Variants in HSPG2 observed in about 807,000 individuals in gnomAD.
The protein encoded by HSPG2 is heparan sulfate proteoglycan 2, also known as basement membrane-specific heparan sulfate proteoglycan core protein.
In HSPG2, 278 loss-of-function variants were observed where a neutral mutation model predicts 526.6. The ratio of observed to expected loss-of-function variants is 0.53; its 90% confidence interval spans 0.48 to 0.58. HSPG2 has a LOEUF of 0.58. Among genes scored for constraint, HSPG2 ranks in the 20% least tolerant of loss-of-function variants. The pLI is 0.00. For missense variants in HSPG2, 5,354 were observed against 6,099.5 expected (o/e 0.88, Z 4.07); for synonymous variants, 2,465 against 2,555.4 (o/e 0.96, Z 1.07).
intron 75 of HSPG2, among the ~76,000 whole-genome samples, chr1:21,836,297 G>T (rs565103942): frequency 6.6e-6 from 1 of 152,288 alleles, no homozygotes; most frequent in African/African-American, 2.4e-5. Flanking sequence ...CAAGCACTGT[G>T]CAAGTGCTTC....
chr1:21,935,702 G>C (rs1008683376), intron 1 of HSPG2, among the ~76,000 whole-genome samples: 1 of 152,228 alleles, frequency 6.6e-6, no homozygotes, highest in Admixed American at 6.5e-5. Flanking sequence ...GGCAGAGCTG[G>C]GGGAAGGTCA....
intron 3 of HSPG2, among the ~76,000 whole-genome samples, chr1:21,894,117 A>T (rs7520609): frequency 0.04 from 6,016 of 152,160 alleles, 144 homozygotes; most frequent in African/African-American, 0.07. Context: ...GACAGGTCAG[A>T]ACATGGAAAG....
chr1:21,893,329 C>G lies in HSPG2; in HGVS notation c.244+2593G>C, dbSNP rs1642502327. ...AACACCCCATGGGGAAGAACGCCCGCCAGGGTTCCAGCCCACTGTGTTTAG... is the reference window on the plus strand; with the variant it reads ...AACACCCCATGGGGAAGAACGCCCGGCAGGGTTCCAGCCCACTGTGTTTAG... On this transcript the variant is annotated intron_variant, in intron 3 of 96. Coordinates refer to ENST00000374695, the MANE Select transcript of HSPG2 (RefSeq NM_005529.7). This position sits in a 1 kb window ranked among gnomAD's most constrained non-coding sequence, Gnocchi z 4.3. Among the ~76,000 whole-genome samples the G allele has an allele frequency of 6.6e-6, 1 of 152,166 alleles. No homozygotes were observed. The highest frequency in any genetic ancestry group is 2.1e-4 in the South Asian group (1 of 4,834).
Position 21,890,744 on chromosome 1 carries a change from T to C in HSPG2, c.245-50A>G, listed in dbSNP as rs753517710. 4.3e-6 allele frequency: 6 copies of C among 1,407,450 alleles called. No individual in the cohort carries two copies. The highest frequency in any genetic ancestry group is 6.0e-6 in the Non-Finnish European group (6 of 998,968). The allele number at this position is 1,407,450 out of a possible 1,614,324, so 87.2% of individuals were successfully genotyped here. A position where few individuals can be genotyped will look rare whatever the true frequency, so the allele number is the denominator to read the frequency against. On this transcript the variant is annotated intron_variant, in intron 3 of 96. Transcript: ENST00000374695. This position sits in a 1 kb window ranked among gnomAD's most constrained non-coding sequence, Gnocchi z 4.1. ...TTGAGAGCCCCAGCCTGGCATCTAG[T>C]GGCCTTAGGCAGTTGGACCATTCAG...
At position 21,855,846 on chromosome 1, in the gene HSPG2, T is replaced by G; in HGVS notation, c.5642A>C (p.Gln1881Pro). The G allele has an allele frequency of 6.2e-7, 1 of 1,613,138 alleles. No individual in the cohort carries two copies. Among genetic ancestry groups the G allele is most frequent in the Non-Finnish European group, 8.5e-7 (1 of 1,180,000 alleles). Reference sequence around the variant, plus strand: ...GGCGCTGCAGCGGAACTCCGCCAGTTGCCCGGGCTGCACTGTGAGCTGTGG... The same window carrying G: ...GGCGCTGCAGCGGAACTCCGCCAGTGGCCCGGGCTGCACTGTGAGCTGTGG... ...HPPQLTVQPG[Q>P]LAEFRCSATG... The change falls in exon 45 of 97, where the codon CAA becomes CCA. Residue 1881 changes from glutamine to proline, a missense_variant. Transcript: ENST00000374695.
chr1:21,902,736 G>A (rs1238836030), intron 1 of HSPG2, among the ~76,000 whole-genome samples: 1 of 152,210 alleles, frequency 6.6e-6, no homozygotes, highest in Non-Finnish European at 1.5e-5. Flanking sequence ...TCTCGGGAGC[G>A]CTGGGGCAGG....
intron 1 of HSPG2, among the ~76,000 whole-genome samples, chr1:21,905,181 A>C (rs1466510125): frequency 6.6e-6 from 1 of 150,482 alleles, no homozygotes; most frequent in African/African-American, 2.4e-5. Context: ...CCACACACAC[A>C]CACACACACA....
Position 21,835,596 on chromosome 1 carries a change from C to CAT in HSPG2, c.10395_10396dup (p.Cys3466TyrfsTer56). On this transcript the variant is annotated frameshift_variant, in exon 76 of 97. Coordinates refer to ENST00000374695, the MANE Select transcript of HSPG2 (RefSeq NM_005529.7). LOFTEE classifies it high-confidence loss of function. Reference sequence around the variant, plus strand: ...CTTCCCCCAAGGTCCATGGGCCTGGCATATATACGTCCCTTGGCAGCTCTG... The same window carrying CAT: ...CTTCCCCCAAGGTCCATGGGCCTGGCATATATATACGTCCCTTGGCAGCTCTG... 1 of 1,614,142 alleles carries CAT rather than the reference C, an allele frequency of 6.2e-7. No homozygotes were observed. Among genetic ancestry groups the CAT allele is most frequent in the Non-Finnish European group, 8.5e-7 (1 of 1,179,994 alleles).
chr1:21,911,874 G>A (rs1009941862), intron 1 of HSPG2, among the ~76,000 whole-genome samples: 1 of 152,062 alleles, frequency 6.6e-6, no homozygotes, highest in East Asian at 1.9e-4. Context: ...TCCAGCCCAC[G>A]CAGCTCTCTC....
chr1:21,897,302 A>C (rs2152774539), intron 1 of HSPG2, among the ~76,000 whole-genome samples: 1 of 152,346 alleles, frequency 6.6e-6, no homozygotes, highest in Admixed American at 6.5e-5. Flanking sequence ...GCCTGGCATG[A>C]GGGCCTCAGG....
At chr1:21,860,959 G>A (rs75200282) in intron 39 of HSPG2, among the ~76,000 whole-genome samples, 3,601 of 152,352 alleles carry the variant, frequency 0.024, 61 homozygotes, top group Non-Finnish European at 0.034. Context: ...TGCGGGTGCA[G>A]AGGAGGGCAC....
intron 20 of HSPG2, 32 bp from the exon 21 acceptor site, chr1:21,878,285 G>C (rs374318622): frequency 6.2e-7 from 1 of 1,610,932 alleles, no homozygotes; most frequent in African/African-American, 1.3e-5. Flanking sequence ...GGCAGGGCAG[G>C]TGGGAATGGG....
At chr1:21,855,157 G>T in intron 47 of HSPG2, 147 bp downstream of exon 47, 1 of 1,331,294 alleles carries the variant, frequency 7.5e-7, no homozygotes. Flanking sequence ...CTCCCTGCTG[G>T]GATGCAGGGG....
At position 21,861,836 on chromosome 1, in the gene HSPG2, G is replaced by A. The variant is rs760559488; in HGVS notation, c.4876C>T (p.Arg1626Cys). ...PLTNPENMFS[R>C]TCESLGAGGY... ...CCGGCTCCCAGGCTCTCACAGGTGC[G>A]GGAAAACCTGGGATCGGGGAGGCAA... Residue 1626 changes from arginine (R) to cysteine (C), a missense_variant, in exon 39 of 97, where the codon CGC becomes TGC. Arg to Cys is a radical substitution (Grantham distance 180, BLOSUM62 -3). Coordinates refer to ENST00000374695, the MANE Select transcript of HSPG2 (RefSeq NM_005529.7). 4.4e-5 allele frequency: 71 copies of A among 1,613,430 alleles called. No individual in the cohort carries two copies. The highest frequency in any genetic ancestry group is 5.6e-5 in the Non-Finnish European group (66 of 1,180,006).
In HSPG2 at chr1:21,921,554, G is replaced by T. The variant is rs35542927; in HGVS notation, c.63+15601C>A. 6.7e-3 allele frequency among the ~76,000 whole-genome samples: 1,022 copies of T among 152,302 alleles called. 13 individuals are homozygous for T. Among genetic ancestry groups the T allele is most frequent in the South Asian group, 0.02 (96 of 4,830 alleles). The stretch of plus-strand genomic sequence containing the variant: ...GAGCAGGCTGCCACATTAAAGCAGG[G>T]AACACCGGACTACTGACATACCTCG... On this transcript the variant is annotated intron_variant, in intron 1 of 96. Coordinates refer to ENST00000374695, the MANE Select transcript of HSPG2 (RefSeq NM_005529.7).
chr1:21,861,834 G>T lies in HSPG2; in HGVS notation c.4878C>A (p.Arg1626=). 1 of 1,613,630 alleles carries T rather than the reference G, an allele frequency of 6.2e-7. No individual in the cohort carries two copies. Among genetic ancestry groups the T allele is most frequent in the African/African-American group, 1.3e-5 (1 of 75,064 alleles). Residue 1626 remains arginine (R), a synonymous_variant, in exon 39 of 97, where the codon CGC becomes CGA. Transcript: ENST00000374695. The part of the protein sequence containing the change: ...PLTNPENMFS[R]TCESLGAGGY... ...CGCCGGCTCCCAGGCTCTCACAGGT[G>T]CGGGAAAACCTGGGATCGGGGAGGC...
Position 21,845,517 on chromosome 1 carries a change from T to A in HSPG2, c.8464+591A>T, listed in dbSNP as rs1254112336. Among the ~76,000 whole-genome samples the A allele has an allele frequency of 2.0e-5, 3 of 152,138 alleles. No homozygotes were observed. The East Asian group carries it at 5.8e-4, about 29-fold the overall frequency. On this transcript the variant is annotated intron_variant, in intron 64 of 96. Transcript: ENST00000374695. ...CTTCAGCCTCTCGAGTAGTTAGGAC[T>A]AACGGTAGGCGCCACCACACCCAGG...
At chr1:21,934,199 C>A (rs758724147) in intron 1 of HSPG2, among the ~76,000 whole-genome samples, 17 of 152,254 alleles carry the variant, frequency 1.1e-4, no homozygotes, top group Non-Finnish European at 2.1e-4. Context: ...GCCTGGAGCT[C>A]CCTAAGGCCC....
chr1:21,831,228 T>C lies in HSPG2; in HGVS notation c.11549A>G (p.Asp3850Gly). The change falls in exon 84 of 97, where the codon GAC becomes GGC. Residue 3850 changes from aspartate to glycine, a missense_variant. By Grantham distance (94) the Asp-to-Gly change is moderately conservative. Transcript: ENST00000374695. ...HGISHCPTCR[D>G]RPCQNGGQCH... ...GTGTGGGGTCACCTGGCAGGGCCGGTCCCGACAGGTGGGGCAGTGGGAGAT... is the reference window on the plus strand; with the variant it reads ...GTGTGGGGTCACCTGGCAGGGCCGGCCCCGACAGGTGGGGCAGTGGGAGAT... 1.2e-6 allele frequency: 2 copies of C among 1,613,746 alleles called. No homozygotes were observed. The highest frequency in any genetic ancestry group is 1.7e-6 in the Non-Finnish European group (2 of 1,179,794).
Sources: allele counts gnomAD v4.1 joint callset (sites outside exome capture counted in the v4.1 genomes callset), GRCh38; gene constraint gnomAD v4.1.1; non-coding constraint Gnocchi (gnomAD v3.1); transcripts MANE v1.5; gene names NCBI Gene and HGNC (gene_info 2026-07-23, HGNC 2026-07-21).